SGTA: variants seen among roughly 807,000 people sequenced by gnomAD.
SGTA encodes the protein small glutamine-rich tetratricopeptide repeat-containing protein alpha.
SGTA carries 22 observed loss-of-function variants against 44.3 expected under a neutral mutation model. The observed-to-expected ratio is 0.50, with a 90% CI of 0.36 to 0.71. The LOEUF is 0.71. SGTA is among the 30% of genes least tolerant of loss of function. The pLI is 0.00. For missense variants in SGTA, 341 were observed against 435.9 expected, an observed-to-expected ratio of 0.78 and a Z score of 1.94; for synonymous variants, 174 against 177.6, an observed-to-expected ratio of 0.98 and a Z score of 0.16.
Position 2,765,383 on chromosome 19 carries a change from G to A in SGTA, c.293-98C>T, listed in dbSNP as rs1433495284. The A allele has an allele frequency of 3.3e-5, 29 of 874,458 alleles. No homozygotes were observed. Among genetic ancestry groups the A allele is most frequent in the South Asian group, 2.2e-4 (15 of 68,162 alleles). 54.2% of individuals were successfully genotyped at this position (874,458 alleles called of 1,614,324 possible). On this transcript the variant is annotated intron_variant, in intron 4 of 11. Coordinates refer to ENST00000221566, the MANE Select transcript of SGTA (RefSeq NM_003021.4). This position sits in a 1 kb window ranked among gnomAD's most constrained non-coding sequence, Gnocchi z 5.5. ...ACCGGCCTGGTGTCCACACAGACCC[G>A]AGGGGGCGTCACACTTGGCTCTTCT... is the stretch of plus-strand genomic sequence containing the variant.
At position 2,765,335 on chromosome 19, in the gene SGTA, G is replaced by C. The variant is rs1300155118; in HGVS notation, c.293-50C>G. The C allele has an allele frequency of 7.3e-7, 1 of 1,373,828 alleles. No homozygotes were observed. The highest frequency in any genetic ancestry group is 1.8e-5 in the Admixed American group (1 of 55,142). The allele number at this position is 1,373,828 out of a possible 1,614,324, so 85.1% of individuals were successfully genotyped here. ...GCCCGGTGTCCACACAGACCGGAGG[G>C]GGTGTCAGGGAGAGAGGAAAACACC... On this transcript the variant is annotated intron_variant, in intron 4 of 11. Coordinates refer to ENST00000221566, the MANE Select transcript of SGTA (RefSeq NM_003021.4). This position sits in a 1 kb window ranked among gnomAD's most constrained non-coding sequence, Gnocchi z 5.5.
intron 9 of SGTA, among the ~76,000 whole-genome samples, chr19:2,758,153 T>C (rs1054782497): frequency 1.3e-5 from 2 of 152,204 alleles, no homozygotes; most frequent in South Asian, 4.1e-4. Context: ...CTCAGCACCC[T>C]GCAGTGCCCA....
chr19:2,759,908 C>T (rs1227969472), intron 8 of SGTA, among the ~76,000 whole-genome samples: 2 of 150,920 alleles, frequency 1.3e-5, no homozygotes, highest in Non-Finnish European at 3.0e-5. Flanking sequence ...TGCAGTGAGC[C>T]GAGATCACAC....
intron 1 of SGTA, among the ~76,000 whole-genome samples, chr19:2,778,210 G>A (rs1448018082): frequency 6.6e-6 from 1 of 152,064 alleles, no homozygotes; most frequent in African/African-American, 2.4e-5. Flanking sequence ...ACGCTGAGGG[G>A]TGTGGGGGGC....
At chr19:2,778,497 G>GC (rs34899623) in intron 1 of SGTA, among the ~76,000 whole-genome samples, 39,266 of 149,314 alleles carry the variant, frequency 0.26, 5,621 homozygotes, top group East Asian at 0.63. Context: ...CTGGAACACC[G>GC]CCCCCCCCGG....
intron 1 of SGTA, among the ~76,000 whole-genome samples, chr19:2,782,912 G>A (rs1490451072): frequency 2.0e-5 from 3 of 152,198 alleles, no homozygotes; most frequent in African/African-American, 7.2e-5. Flanking sequence ...TTTCCAGGCG[G>A]TTAATAAGAG....
rs77882038 is a variant in SGTA, at chr19:2,767,212, C to T, written c.216G>A (p.Pro72=). 2.7e-3 allele frequency: 4,377 copies of T among 1,609,696 alleles called. 87 individuals are homozygous for T. The African/African-American group carries it at 0.05, about 18-fold the overall frequency. Residue 72 remains proline, a synonymous_variant, in exon 4 of 12, where the codon CCG becomes CCA. Transcript: ENST00000221566. The surrounding 1 kb of genome is among the most constrained non-coding windows in gnomAD (Gnocchi z 7.3). ...FEAAATGKEM[P]QDLRSPARTP... is the part of the protein sequence containing the mutation. ...TTCGCGCGGGGCTCCTCAGGTCCTG[C>T]GGCATCTCCTGGACCCGGAGGCAAA... is the stretch of plus-strand genomic sequence containing the variant.
chr19:2,777,015 C>T (rs1915458557), intron 1 of SGTA, among the ~76,000 whole-genome samples: 1 of 151,290 alleles, frequency 6.6e-6, no homozygotes, highest in Non-Finnish European at 1.5e-5. Context: ...GTAATCCCAA[C>T]ACTTTGGGAA....
At chr19:2,768,566 A>T (rs1444761994) in intron 2 of SGTA, among the ~76,000 whole-genome samples, 1 of 152,224 alleles carries the variant, frequency 6.6e-6, no homozygotes, top group Non-Finnish European at 1.5e-5. Flanking sequence ...CGGACAGGCC[A>T]TGCAGGATGC....
chr19:2,780,094 C>A (rs1164377176), intron 1 of SGTA, among the ~76,000 whole-genome samples: 2 of 152,090 alleles, frequency 1.3e-5, no homozygotes, highest in African/African-American at 4.8e-5. Context: ...TCTCTAAAAA[C>A]AAACAAAAAA....
At chr19:2,759,423 C>G in intron 8 of SGTA, 129 bp from the exon 9 acceptor site, 1 of 830,628 alleles carries the variant, frequency 1.2e-6, no homozygotes, top group Non-Finnish European at 2.0e-6. Flanking sequence ...AAGAGCCGGG[C>G]ATTCGGTCTT....
intron 1 of SGTA, among the ~76,000 whole-genome samples, chr19:2,780,207 CCCAGTAGGAAGGGCCCGCT>C (rs1431733905): frequency 6.6e-6 from 1 of 152,148 alleles, no homozygotes; most frequent in Non-Finnish European, 1.5e-5. Context: ...CTCCTCACAC[CCCAGTAGGAAGGGCCCGCT>C]CTTACCCACT....
intron 1 of SGTA, among the ~76,000 whole-genome samples, chr19:2,780,781 T>G (rs566940810): frequency 1.6e-4 from 24 of 152,292 alleles, no homozygotes; most frequent in South Asian, 4.1e-4. Context: ...GGTCTCTGTT[T>G]CCACCTCAGT....
intron 1 of SGTA, among the ~76,000 whole-genome samples, chr19:2,770,956 C>T (rs1599504454): frequency 1.3e-5 from 2 of 152,252 alleles, no homozygotes; most frequent in South Asian, 4.1e-4. Flanking sequence ...AGAGGCCAGG[C>T]GGTTCCCGGA....
chr19:2,772,805 GAT>G lies in SGTA; in HGVS notation c.-23-3716_-23-3715del, dbSNP rs1568312105. Among the ~76,000 whole-genome samples, 40 of 142,998 alleles carry G rather than the reference GAT, an allele frequency of 2.8e-4. 3 individuals are homozygous for G. The highest frequency in any genetic ancestry group is 1.1e-3 in the African/African-American group (38 of 34,748). 93.8% of individuals were successfully genotyped at this position (142,998 alleles called of 152,430 possible). A position where few individuals can be genotyped will look rare whatever the true frequency, so the allele number is the denominator to read the frequency against. The stretch of plus-strand genomic sequence containing the variant: ...ACACGGCAGGGACACCGAGGGCAGA[GAT>G]GGGTGACGCGGCCACAGGGCAGGGA... On this transcript the variant is annotated intron_variant, in intron 1 of 11. Coordinates refer to ENST00000221566, the MANE Select transcript of SGTA (RefSeq NM_003021.4).
chr19:2,777,678 C>CGGCA (rs936846642), intron 1 of SGTA: 10 of 152,104 alleles, frequency 6.6e-5, no homozygotes, highest in Admixed American at 1.3e-4. Context: ...CTGTAACAGG[C>CGGCA]GGCATCAGGT....
intron 1 of SGTA, among the ~76,000 whole-genome samples, chr19:2,774,430 G>A (rs924725266): frequency 5.9e-5 from 9 of 152,166 alleles, no homozygotes; most frequent in Non-Finnish European, 8.8e-5. Context: ...CCAGCTGCCC[G>A]AGGGGCAGCT....
At chr19:2,776,296 G>C (rs1013979817) in intron 1 of SGTA, among the ~76,000 whole-genome samples, 1 of 152,260 alleles carries the variant, frequency 6.6e-6, no homozygotes, top group Non-Finnish European at 1.5e-5. Context: ...AAAGCAAACA[G>C]CCCAAGTGTC....
chr19:2,767,758 G>T lies in SGTA; in HGVS notation c.101-72C>A. 8.4e-7 allele frequency: 1 copy of T among 1,186,284 alleles called. No homozygotes were observed. Among genetic ancestry groups the T allele is most frequent in the East Asian group, 2.4e-5 (1 of 41,720 alleles). 73.5% of individuals were successfully genotyped at this position (1,186,284 alleles called of 1,614,324 possible). A position where few individuals can be genotyped will look rare whatever the true frequency, so the allele number is the denominator to read the frequency against. On this transcript the variant is annotated intron_variant, in intron 2 of 11. Transcript: ENST00000221566. This position sits in a 1 kb window ranked among gnomAD's most constrained non-coding sequence, Gnocchi z 7.3. The stretch of plus-strand genomic sequence containing the variant: ...GGTTACGTTTTTGGGTCTAGAGGGC[G>T]GGGTTGGTGCTCATGCTTCCCCAGG...
Sources: gnomAD v4.1 joint callset for allele counts (sites outside exome capture counted in the v4.1 genomes callset) on GRCh38, gnomAD v4.1.1 for gene constraint, Gnocchi (gnomAD v3.1) non-coding constraint, MANE v1.5 for transcripts, NCBI Gene and HGNC (gene_info 2026-07-23, HGNC 2026-07-21) for gene names.